LRRC4C: variants seen among roughly 807,000 people sequenced by gnomAD.
LRRC4C encodes the protein leucine rich repeat containing 4C.
LRRC4C carries 5 observed loss-of-function variants against 33.6 expected under a neutral mutation model. The observed-to-expected ratio is 0.15, with a 90% confidence interval of 0.08 to 0.31. The LOEUF is 0.31. LRRC4C is among the 10% of genes least tolerant of loss of function. The probability of loss-of-function intolerance (pLI) is 1.00; values close to 1 mark genes in which losing one functional copy is unlikely to be tolerated. For synonymous variants in LRRC4C, 329 were observed against 302.0 expected (o/e 1.09, Z -0.93); for missense variants, 560 against 796.7 (o/e 0.70, Z 3.58).
At chr11:41,238,805 T>C (rs957870947) in intron 1 of LRRC4C, among the ~76,000 whole-genome samples, 3 of 152,120 alleles carry the variant, frequency 2.0e-5, no homozygotes, top group African/African-American at 7.2e-5. Flanking sequence ...ATAATAGCAT[T>C]CAACTCTACG....
At chr11:40,671,416 T>G (rs191853928) in intron 2 of LRRC4C, among the ~76,000 whole-genome samples, 1 of 152,266 alleles carries the variant, frequency 6.6e-6, no homozygotes, top group East Asian at 1.9e-4. Flanking sequence ...AAATAGGAAT[T>G]TAATAAACTT....
At chr11:41,093,983 C>A (rs1940626422) in intron 1 of LRRC4C, among the ~76,000 whole-genome samples, 1 of 148,650 alleles carries the variant, frequency 6.7e-6, no homozygotes, top group African/African-American at 2.5e-5. Flanking sequence ...GTGGCATGTG[C>A]CTGTAGTCCC....
At chr11:41,210,258 C>T (rs10768672) in intron 1 of LRRC4C, among the ~76,000 whole-genome samples, 28,486 of 152,042 alleles carry the variant, frequency 0.19, 3,199 homozygotes, top group East Asian at 0.4. Flanking sequence ...TGAATTGTAG[C>T]TCTCATAATT....
intron 3 of LRRC4C, among the ~76,000 whole-genome samples, chr11:40,332,140 A>T (rs1242412402): frequency 6.6e-6 from 1 of 152,214 alleles, no homozygotes; most frequent in East Asian, 1.9e-4. Context: ...ACAAAGTGTC[A>T]CAAATGAGGT....
intron 3 of LRRC4C, among the ~76,000 whole-genome samples, chr11:40,536,520 A>T (rs896629731): frequency 2.6e-5 from 4 of 152,278 alleles, no homozygotes; most frequent in Admixed American, 2.6e-4. Flanking sequence ...CAAGTCTTTT[A>T]GGTGATTCTG....
intron 1 of LRRC4C, among the ~76,000 whole-genome samples, chr11:41,435,126 A>C (rs192313168): frequency 2.0e-5 from 3 of 152,308 alleles, no homozygotes; most frequent in East Asian, 3.9e-4. Flanking sequence ...CATAGATAGG[A>C]TATTGATGCT....
intron 3 of LRRC4C, among the ~76,000 whole-genome samples, chr11:40,388,115 A>T (rs1456675402): frequency 6.6e-6 from 1 of 152,126 alleles, no homozygotes; most frequent in African/African-American, 2.4e-5. Context: ...ATCTGCTTCT[A>T]CCTGTTACTG....
intron 5 of LRRC4C, among the ~76,000 whole-genome samples, chr11:40,211,638 C>T (rs1445235232): frequency 2.6e-5 from 4 of 152,142 alleles, no homozygotes; most frequent in Admixed American, 6.5e-5. Context: ...TACACTGAGC[C>T]CCAAATATAA....
chr11:40,901,557 T>C (rs1956200274), intron 2 of LRRC4C, among the ~76,000 whole-genome samples: 2 of 151,896 alleles, frequency 1.3e-5, no homozygotes, highest in African/African-American at 4.8e-5. Flanking sequence ...CCTCTACCAG[T>C]TTTTTTTCTC....
intron 4 of LRRC4C, among the ~76,000 whole-genome samples, chr11:40,285,191 C>T (rs1038256427): frequency 6.6e-6 from 1 of 152,090 alleles, no homozygotes; most frequent in African/African-American, 2.4e-5. Flanking sequence ...TCTCAAAAAA[C>T]CCCCAGCTTA....
intron 1 of LRRC4C, among the ~76,000 whole-genome samples, chr11:41,322,500 G>A (rs1950987701): frequency 6.6e-6 from 1 of 151,892 alleles, no homozygotes; most frequent in African/African-American, 2.4e-5. Context: ...TGTGGAGAAA[G>A]CACCAAAACC....
At chr11:41,295,921 A>G (rs2137041621) in intron 1 of LRRC4C, among the ~76,000 whole-genome samples, 1 of 152,340 alleles carries the variant, frequency 6.6e-6, no homozygotes, top group South Asian at 2.1e-4. Context: ...TGACACGATA[A>G]GAAATATCTA....
At chr11:40,227,239 C>G (rs1037048309) in intron 5 of LRRC4C, among the ~76,000 whole-genome samples, 5 of 152,180 alleles carry the variant, frequency 3.3e-5, no homozygotes, top group African/African-American at 1.2e-4. Context: ...TTGATTAAAT[C>G]AAATACATCT....
chr11:40,814,820 C>A (rs1300241574), intron 2 of LRRC4C, among the ~76,000 whole-genome samples: 2 of 152,002 alleles, frequency 1.3e-5, no homozygotes, highest in Non-Finnish European at 2.9e-5. Context: ...ACTCCAGTTC[C>A]CAACAAGTTC....
At chr11:40,883,401 G>A (rs1955282036) in intron 2 of LRRC4C, among the ~76,000 whole-genome samples, 1 of 151,956 alleles carries the variant, frequency 6.6e-6, no homozygotes. Context: ...AAAAAAAGGG[G>A]ATATAAACTG....
intron 2 of LRRC4C, among the ~76,000 whole-genome samples, chr11:40,863,512 T>C (rs1031140496): frequency 6.6e-6 from 1 of 152,166 alleles, no homozygotes; most frequent in Non-Finnish European, 1.5e-5. Context: ...CCCACCTCTC[T>C]TAGTTGAATA....
intron 2 of LRRC4C, among the ~76,000 whole-genome samples, chr11:40,760,519 G>C (rs983496616): frequency 2.6e-5 from 4 of 151,560 alleles, no homozygotes; most frequent in Non-Finnish European, 4.4e-5. Context: ...ACATACTCAT[G>C]CTCAATATTA....
chr11:40,867,167 C>A (rs1202850137), intron 2 of LRRC4C, among the ~76,000 whole-genome samples: 2 of 152,132 alleles, frequency 1.3e-5, no homozygotes, highest in African/African-American at 4.8e-5. Context: ...ATGGGGAAAG[C>A]ATTGCCTCGT....
intron 1 of LRRC4C, among the ~76,000 whole-genome samples, chr11:40,937,603 ATGTGTGTGTGTG>A (rs35416837): frequency 0.074 from 10,027 of 135,974 alleles, 442 homozygotes; most frequent in Admixed American, 0.16. Context: ...GTGTGTGTAT[ATGTGTGTGTGTG>A]TGTGTGTGTG....
Sources: gnomAD v4.1 joint callset for allele counts (sites outside exome capture counted in the v4.1 genomes callset) on GRCh38, gnomAD v4.1.1 for gene constraint, MANE v1.5 for transcripts, NCBI Gene and HGNC (gene_info 2026-07-23, HGNC 2026-07-21) for gene names.